Variants in VPS8 observed in about 807,000 individuals in gnomAD.
VPS8 encodes the protein vacuolar protein sorting-associated protein 8 homolog.
In VPS8, 129 loss-of-function variants were observed where a neutral mutation model predicts 216.4. The ratio of observed to expected loss-of-function variants is 0.60; its 90% CI spans 0.52 to 0.69. The LOEUF is 0.69. Ranked by LOEUF, VPS8 falls within the 30% of genes least tolerant of loss-of-function variation. The pLI is 0.00. For synonymous variants in VPS8, 571 were observed against 565.4 expected (o/e 1.01, Z -0.14); for missense variants, 1,531 against 1,683.5 (o/e 0.91, Z 1.59).
intron 38 of VPS8, among the ~76,000 whole-genome samples, chr3:184,965,632 C>G (rs1208459884): frequency 2.0e-5 from 3 of 152,202 alleles, no homozygotes; most frequent in Non-Finnish European, 4.4e-5. Flanking sequence ...AGAATTGTAG[C>G]TAGTCTTCTT....
At position 185,052,197 on chromosome 3, in the gene VPS8, C is replaced by T. The variant is rs138150075; in HGVS notation, c.*172C>T. 3 of 604,966 alleles carry T rather than the reference C, an allele frequency of 5.0e-6. No individual in the cohort carries two copies. The East Asian group carries it at 9.6e-5, about 19-fold the overall frequency. 37.5% of individuals were successfully genotyped at this position (604,966 alleles called of 1,614,324 possible). ...CAGCACCATTCCCAGTGTAGACTCC[C>T]AGTCTTCTCCACATTGCTGTCATGG... On this transcript the variant is annotated 3_prime_UTR_variant, in exon 48 of 48. Transcript: ENST00000625842.
At chr3:185,047,897 T>C (rs987963342) in intron 46 of VPS8, among the ~76,000 whole-genome samples, 3 of 152,224 alleles carry the variant, frequency 2.0e-5, no homozygotes, top group Non-Finnish European at 4.4e-5. Context: ...CTGGATCAGG[T>C]CCACTGAGAG....
chr3:185,038,527 T>G (rs1038873962), intron 46 of VPS8, among the ~76,000 whole-genome samples: 1 of 152,242 alleles, frequency 6.6e-6, no homozygotes, highest in Admixed American at 6.5e-5. Context: ...GTATTTTCAT[T>G]AAATCCACAA....
rs757878109 is a variant in VPS8, at chr3:184,936,361, GA to G, written c.2988+31del. On this transcript the variant is annotated intron_variant, in intron 35 of 47. Transcript: ENST00000625842. ...GTACATATTGCAAATATATATTGGG[GA>G]AAAATATCTAGTGGAAAGACAATTA... 32 of 1,561,618 alleles carry G rather than the reference GA, an allele frequency of 2.0e-5. No individual in the cohort carries two copies. The East Asian group carries it at 6.4e-4, about 31-fold the overall frequency.
intron 45 of VPS8, among the ~76,000 whole-genome samples, chr3:185,012,157 G>T (rs1013907566): frequency 6.0e-5 from 9 of 150,746 alleles, no homozygotes; most frequent in Admixed American, 4.0e-4. Context: ...AACTCTTGGT[G>T]ACCTGTGAAA....
At chr3:184,849,837 T>C in intron 9 of VPS8, 99 bp from the exon 10 acceptor site, 1 of 882,788 alleles carries the variant, frequency 1.1e-6, no homozygotes, top group East Asian at 2.5e-5. Context: ...CCTGCAATGT[T>C]TATAGTCAAG....
At chr3:185,031,805 G>A (rs750487275) in intron 46 of VPS8, among the ~76,000 whole-genome samples, 1 of 152,208 alleles carries the variant, frequency 6.6e-6, no homozygotes, top group Non-Finnish European at 1.5e-5. Context: ...TTTGGTCAGA[G>A]TTTGGACTAG....
chr3:184,990,925 G>GT lies in VPS8; in HGVS notation c.3586-3045dup, dbSNP rs5855051. The stretch of plus-strand genomic sequence containing the variant: ...TGATGCCTGGGACCCAAATTACACC[G>GT]TTTTTTTTTTTTTCCATGAATATTA... On this transcript the variant is annotated intron_variant, in intron 42 of 47. Coordinates refer to ENST00000625842, the MANE Select transcript of VPS8 (RefSeq NM_001009921.3). Among the ~76,000 whole-genome samples, 1,153 of 148,292 alleles carry GT rather than the reference G, an allele frequency of 7.8e-3. 13 individuals are homozygous for GT. Among genetic ancestry groups the GT allele is most frequent in the African/African-American group, 0.027 (1,101 of 40,442 alleles).
intron 15 of VPS8, among the ~76,000 whole-genome samples, chr3:184,860,421 ATGTATATATG>A (rs1440464384): frequency 2.0e-5 from 3 of 151,006 alleles, no homozygotes; most frequent in Non-Finnish European, 4.4e-5. Flanking sequence ...ATGTATATAT[ATGTATATATG>A]TGTGTATATA....
chr3:184,849,483 G>A (rs1316066035), intron 9 of VPS8: 2 of 263,056 alleles, frequency 7.6e-6, no homozygotes, highest in Non-Finnish European at 7.1e-6. Context: ...CCTTACAGTC[G>A]TGTAAATAAT....
intron 8 of VPS8, among the ~76,000 whole-genome samples, chr3:184,845,755 CAAAAAAA>C (rs36003760): frequency 2.5e-5 from 2 of 80,610 alleles, no homozygotes; most frequent in African/African-American, 9.3e-5. Context: ...AACTCCGTCT[CAAAAAAA>C]AAAAAAAAAA....
rs994017567 is a variant in VPS8, at chr3:184,903,758, T to A, written c.2146+2786T>A. On this transcript the variant is annotated intron_variant, in intron 25 of 47. Coordinates refer to ENST00000625842, the MANE Select transcript of VPS8 (RefSeq NM_001009921.3). Reference sequence around the variant, plus strand: ...CCACTGTACCCAGCTTATTTTGGTCTTAAAGTCACTTTGCTTTCCCCTTTT... The same window carrying A: ...CCACTGTACCCAGCTTATTTTGGTCATAAAGTCACTTTGCTTTCCCCTTTT... 2.6e-5 allele frequency among the ~76,000 whole-genome samples: 4 copies of A among 152,354 alleles called. No homozygotes were observed. In the East Asian group the frequency reaches 7.7e-4, roughly 29 times the overall value.
intron 44 of VPS8, among the ~76,000 whole-genome samples, chr3:184,998,220 A>G (rs1487072858): frequency 6.6e-6 from 1 of 152,156 alleles, no homozygotes; most frequent in Non-Finnish European, 1.5e-5. Flanking sequence ...GGGCGGTGAC[A>G]TGATCTGACC....
intron 3 of VPS8, among the ~76,000 whole-genome samples, chr3:184,826,829 T>C (rs1459092167): frequency 2.0e-5 from 3 of 152,244 alleles, no homozygotes; most frequent in African/African-American, 7.2e-5. Context: ...ATCTTATGAA[T>C]ACCATTTCTA....
chr3:185,028,226 T>C lies in VPS8; in HGVS notation c.4056+3837T>C, dbSNP rs531919577. 3.9e-5 allele frequency among the ~76,000 whole-genome samples: 6 copies of C among 152,314 alleles called. No homozygotes were observed. In the South Asian group the frequency reaches 1.2e-3, roughly 32 times the overall value. On this transcript the variant is annotated intron_variant, in intron 46 of 47. Coordinates refer to ENST00000625842, the MANE Select transcript of VPS8 (RefSeq NM_001009921.3). ...CACATACTTATTATCATGCTGTTTA[T>C]GTCGTCTCTAGTTACTTGAAAACAT...
Position 184,975,474 on chromosome 3 carries a change from A to G in VPS8, c.3420+3722A>G, listed in dbSNP as rs563453749. Among the ~76,000 whole-genome samples, 18 of 152,156 alleles carry G rather than the reference A, an allele frequency of 1.2e-4. No homozygotes were observed. The East Asian group carries it at 2.3e-3, about 20-fold the overall frequency. On this transcript the variant is annotated intron_variant, in intron 40 of 47. Coordinates refer to ENST00000625842, the MANE Select transcript of VPS8 (RefSeq NM_001009921.3). ...GTGGAGTCTTTAGGTTTTCATATCT[A>G]TGAGATAATGTCATTTTCAAATAAG...
In VPS8 at chr3:184,958,891, A is replaced by G. The variant is rs537514223; in HGVS notation, c.3183+1370A>G. Among the ~76,000 whole-genome samples, 9 of 152,286 alleles carry G rather than the reference A, an allele frequency of 5.9e-5. No individual in the cohort carries two copies. The South Asian group carries it at 1.9e-3, about 32-fold the overall frequency. On this transcript the variant is annotated intron_variant, in intron 37 of 47. Coordinates refer to ENST00000625842, the MANE Select transcript of VPS8 (RefSeq NM_001009921.3). ...ACCAAAAATAATCAGAGTAAGTTCA[A>G]TTGACTTGTAAAATAAGTTTAGTGT...
chr3:184,896,591 A>G (rs1271338661), intron 23 of VPS8, among the ~76,000 whole-genome samples: 1 of 152,214 alleles, frequency 6.6e-6, no homozygotes, highest in Non-Finnish European at 1.5e-5. Flanking sequence ...TTTGTCCACT[A>G]CACCAAATGG....
At chr3:184,961,988 C>T (rs181641916) in intron 37 of VPS8, among the ~76,000 whole-genome samples, 222 of 152,346 alleles carry the variant, frequency 1.5e-3, no homozygotes, top group Middle Eastern at 0.01. Context: ...TCTTGAACTG[C>T]TGACCTCAAG....
Sources: gnomAD v4.1 joint callset for allele counts (sites outside exome capture counted in the v4.1 genomes callset) on GRCh38, gnomAD v4.1.1 for gene constraint, MANE v1.5 for transcripts, NCBI Gene and HGNC (gene_info 2026-07-23, HGNC 2026-07-21) for gene names.